NUDCD1: variants seen among roughly 807,000 people sequenced by gnomAD.
NUDCD1 encodes the protein NudC domain containing 1.
NUDCD1 carries 60 observed loss-of-function variants against 67.8 expected under a neutral mutation model. The observed-to-expected ratio is 0.88, with a 90% CI of 0.72 to 1.10. NUDCD1 has a LOEUF of 1.10. Ranked by LOEUF, NUDCD1 falls within the 50% of genes least tolerant of loss-of-function variation. The probability of loss-of-function intolerance (pLI) is 0.00; values close to 1 mark genes in which losing one functional copy is unlikely to be tolerated. For missense variants in NUDCD1, 643 were observed against 695.0 expected (o/e 0.93, Z 0.84); for synonymous variants, 244 against 230.8 (o/e 1.06, Z -0.52).
intron 6 of NUDCD1, among the ~76,000 whole-genome samples, chr8:109,279,170 T>C (rs1179534903): frequency 1.3e-5 from 2 of 152,228 alleles, no homozygotes; most frequent in Non-Finnish European, 1.5e-5. Context: ...AATAGGTATA[T>C]GTTTAACTTG....
At chr8:109,325,956 T>C (rs1815672243) in intron 1 of NUDCD1, among the ~76,000 whole-genome samples, 1 of 152,192 alleles carries the variant, frequency 6.6e-6, no homozygotes, top group Non-Finnish European at 1.5e-5. Flanking sequence ...TGATAGAGGT[T>C]GAGGAAACAT....
chr8:109,316,022 G>A (rs1324053501), intron 2 of NUDCD1: 3 of 152,134 alleles, frequency 2.0e-5, no homozygotes, highest in Non-Finnish European at 4.4e-5. Flanking sequence ...AAATTAAAGA[G>A]GCACTATAAG....
chr8:109,245,240 AAG>A, intron 9 of NUDCD1, 80 bp downstream of exon 9: 1 of 1,373,718 alleles, frequency 7.3e-7, no homozygotes, highest in South Asian at 1.4e-5. Flanking sequence ...TCAAATTAAA[AAG>A]AAAAAAAAGA....
intron 7 of NUDCD1, among the ~76,000 whole-genome samples, chr8:109,275,106 G>A (rs988282082): frequency 2.6e-5 from 4 of 151,270 alleles, no homozygotes; most frequent in African/African-American, 9.8e-5. Context: ...CAATACATAC[G>A]CACACATAAA....
chr8:109,305,318 A>G (rs1367272424), intron 2 of NUDCD1, among the ~76,000 whole-genome samples: 2 of 152,090 alleles, frequency 1.3e-5, no homozygotes, highest in African/African-American at 4.8e-5. Flanking sequence ...TCCCTTCTGT[A>G]AGACATAATT....
intron 2 of NUDCD1, among the ~76,000 whole-genome samples, chr8:109,304,608 A>C (rs1380545436): frequency 6.6e-6 from 1 of 152,118 alleles, no homozygotes; most frequent in Non-Finnish European, 1.5e-5. Context: ...CTGCACCACC[A>C]TGCTGTTATA....
chr8:109,245,979 G>C (rs2129856159), intron 8 of NUDCD1, among the ~76,000 whole-genome samples: 1 of 152,236 alleles, frequency 6.6e-6, no homozygotes, highest in South Asian at 2.1e-4. Flanking sequence ...TCTCACAGGA[G>C]GGTGAACACT....
intron 6 of NUDCD1, 73 bp from the exon 7 acceptor site, chr8:109,275,569 G>A: frequency 7.3e-7 from 1 of 1,369,654 alleles, no homozygotes; most frequent in South Asian, 1.4e-5. Flanking sequence ...AGCAAACATT[G>A]TTTGTTTCTA....
In NUDCD1 at chr8:109,242,679, CAATA is replaced by C. The variant is rs547729898; in HGVS notation, c.*326_*329del. ...GCAACTAATCAACGAACAGAGTACACAATAAATATTTTTATTTTTAAACACTGAA... is the reference window on the plus strand; with the variant it reads ...GCAACTAATCAACGAACAGAGTACACAATATTTTTATTTTTAAACACTGAA... On this transcript the variant is annotated 3_prime_UTR_variant, in exon 10 of 10. Coordinates refer to ENST00000239690, the MANE Select transcript of NUDCD1 (RefSeq NM_032869.4). 643 of 183,794 alleles carry C rather than the reference CAATA, an allele frequency of 3.5e-3. No individual in the cohort carries two copies. The highest frequency in any genetic ancestry group is 5.8e-3 in the Non-Finnish European group (505 of 86,748). 11.4% of individuals were successfully genotyped at this position (183,794 alleles called of 1,614,324 possible).
chr8:109,312,159 A>T (rs1815269620), intron 2 of NUDCD1, among the ~76,000 whole-genome samples: 1 of 151,878 alleles, frequency 6.6e-6, no homozygotes, highest in Non-Finnish European at 1.5e-5. Flanking sequence ...AAAATTAGAC[A>T]GGTGTGGTGG....
At chr8:109,245,188 A>G in intron 9 of NUDCD1, 134 bp downstream of exon 9, 1 of 838,424 alleles carries the variant, frequency 1.2e-6, no homozygotes, top group African/African-American at 1.7e-5. Context: ...GTACAAGCAA[A>G]CAAATCATAG....
At chr8:109,260,899 G>A (rs775544915) in intron 8 of NUDCD1, among the ~76,000 whole-genome samples, 6 of 152,168 alleles carry the variant, frequency 3.9e-5, no homozygotes, top group Non-Finnish European at 7.4e-5. Flanking sequence ...TTTAAAAGTA[G>A]AGACTGTCTT....
At chr8:109,266,480 G>A (rs1227751046) in intron 8 of NUDCD1, among the ~76,000 whole-genome samples, 5 of 147,328 alleles carry the variant, frequency 3.4e-5, no homozygotes, top group Admixed American at 1.4e-4. Flanking sequence ...TCCTGACCTC[G>A]TGATCCGCCC....
At chr8:109,257,303 A>G (rs1350275820) in intron 8 of NUDCD1, among the ~76,000 whole-genome samples, 2 of 152,152 alleles carry the variant, frequency 1.3e-5, no homozygotes, top group East Asian at 3.8e-4. Context: ...GTTACAATAT[A>G]AAGTCAAGTA....
intron 5 of NUDCD1, among the ~76,000 whole-genome samples, chr8:109,282,431 C>G (rs1055041893): frequency 6.6e-6 from 1 of 152,006 alleles, no homozygotes; most frequent in Admixed American, 6.6e-5. Context: ...TCTGCATTCT[C>G]TATAGTCACA....
chr8:109,318,610 C>T (rs1165699997), intron 2 of NUDCD1, among the ~76,000 whole-genome samples: 1 of 125,924 alleles, frequency 7.9e-6, no homozygotes, highest in African/African-American at 2.7e-5. Flanking sequence ...AGTAAGAGGC[C>T]AGATTGCATT....
chr8:109,313,330 C>T (rs1348093669), intron 2 of NUDCD1, among the ~76,000 whole-genome samples: 1 of 152,046 alleles, frequency 6.6e-6, no homozygotes, highest in African/African-American at 2.4e-5. Flanking sequence ...ATTAATAATA[C>T]TGACATAAAA....
Position 109,275,456 on chromosome 8 carries a change from A to C in NUDCD1, c.1069T>G (p.Trp357Gly). 6.2e-7 allele frequency: 1 copy of C among 1,613,596 alleles called. No individual in the cohort carries two copies. Among genetic ancestry groups the C allele is most frequent in the Non-Finnish European group, 8.5e-7 (1 of 1,179,608 alleles). Residue 357 changes from tryptophan to glycine, a missense_variant, in exon 7 of 10, where the codon TGG (tryptophan) becomes GGG (glycine). By Grantham distance (184) the Trp-to-Gly change is radical. Transcript: ENST00000239690. ...TTATCTCCAATTACTAGCTCTGGCC[A>C]GGTCAGTCCTTCATTCTTCTTAATC... ...SLIKKNEGLT[W>G]PELVIGDKQG...
At chr8:109,313,081 C>T (rs1456604396) in intron 2 of NUDCD1, among the ~76,000 whole-genome samples, 2 of 152,166 alleles carry the variant, frequency 1.3e-5, no homozygotes. Context: ...TTCTTTAACC[C>T]TTCCTCCAAA....
Sources: allele counts gnomAD v4.1 joint callset (sites outside exome capture counted in the v4.1 genomes callset), GRCh38; gene constraint gnomAD v4.1.1; transcripts MANE v1.5; gene names NCBI Gene and HGNC (gene_info 2026-07-23, HGNC 2026-07-21).